MED25: variants seen among roughly 807,000 people sequenced by gnomAD.
MED25 encodes mediator complex subunit 25, also known as mediator of RNA polymerase II transcription subunit 25.
MED25 carries 62 observed loss-of-function variants against 89.4 expected under a neutral mutation model. The ratio of observed to expected loss-of-function variants is 0.69; its 90% CI spans 0.57 to 0.86. MED25 has a LOEUF of 0.86. Ranked by LOEUF, MED25 falls within the 40% of genes least tolerant of loss-of-function variation. The probability of loss-of-function intolerance (pLI) is 0.00; values close to 1 mark genes in which losing one functional copy is unlikely to be tolerated. For missense variants in MED25, 905 were observed against 1,005.2 expected, an observed-to-expected ratio of 0.90 and a Z score of 1.35; for synonymous variants, 449 against 427.9, an observed-to-expected ratio of 1.05 and a Z score of -0.61.
rs933295057 is a variant in MED25, at chr19:49,831,754, G to A, written c.1231-182G>A. 6.6e-6 allele frequency among the ~76,000 whole-genome samples: 1 copy of A among 152,044 alleles called. No homozygotes were observed. Among genetic ancestry groups the A allele is most frequent in the African/African-American group, 2.4e-5 (1 of 41,386 alleles). On this transcript the variant is annotated intron_variant, in intron 10 of 17. Transcript: ENST00000312865. The surrounding 1 kb of genome is among the most constrained non-coding windows in gnomAD (Gnocchi z 5.0). ...CAGTGGATGGTGGGATTTAGGGGCC[G>A]GGCACGTAGCTGTAACATTTGAGGA...
chr19:49,835,762 T>C lies in MED25; in HGVS notation c.1782T>C (p.Gly594=). The change falls in exon 16 of 18, where the codon GGT becomes GGC. Residue 594 remains glycine (G), a synonymous_variant. Transcript: ENST00000312865. This position sits in a 1 kb window ranked among gnomAD's most constrained non-coding sequence, Gnocchi z 6.2. ...QLRPPQPQPQ[G]TVGASGATGQ... is the part of the protein sequence containing the mutation. Reference sequence around the variant, plus strand: ...GCCCACCGCAGCCCCAGCCTCAGGGTACCGTAGGGGCCTCTGGGGCCACGG... The same window carrying C: ...GCCCACCGCAGCCCCAGCCTCAGGGCACCGTAGGGGCCTCTGGGGCCACGG... 1.2e-6 allele frequency: 2 copies of C among 1,609,828 alleles called. No individual in the cohort carries two copies. Among genetic ancestry groups the C allele is most frequent in the South Asian group, 2.2e-5 (2 of 90,790 alleles).
In MED25 at chr19:49,829,988, G is replaced by C. The variant is rs200915538; in HGVS notation, c.688+40G>C. 1 of 1,600,168 alleles carries C rather than the reference G, an allele frequency of 6.2e-7. No homozygotes were observed. The highest frequency in any genetic ancestry group is 2.2e-5 in the East Asian group (1 of 44,558). On this transcript the variant is annotated intron_variant, in intron 6 of 17. Coordinates refer to ENST00000312865, the MANE Select transcript of MED25 (RefSeq NM_030973.4). The surrounding 1 kb of genome is among the most constrained non-coding windows in gnomAD (Gnocchi z 4.6). ...CCGTGCGCGGGGATGGGGGCTCGAC[G>C]TGTTTCCCCAGCTCCCTCTGACTTG...
Position 49,829,929 on chromosome 19 carries a change from T to G in MED25, c.669T>G (p.Val223=). ...AGGACCCGAGGCACATGGTGCTGGT[T>G]CGGGGACTCGTGCTGCCTGGTGAGG... ...VSQDPRHMVL[V]RGLVLPVGGG... The change falls in exon 6 of 18, where the codon GTT becomes GTG. Residue 223 remains valine, a synonymous_variant. Transcript: ENST00000312865. This position sits in a 1 kb window ranked among gnomAD's most constrained non-coding sequence, Gnocchi z 4.6. The G allele has an allele frequency of 6.2e-7, 1 of 1,612,506 alleles. No homozygotes were observed. Among genetic ancestry groups the G allele is most frequent in the Non-Finnish European group, 8.5e-7 (1 of 1,179,248 alleles).
At chr19:49,822,615 G>A (rs1031603091) in intron 3 of MED25, among the ~76,000 whole-genome samples, 2 of 146,008 alleles carry the variant, frequency 1.4e-5, no homozygotes, top group Non-Finnish European at 3.0e-5. Context: ...GAAGTTACAC[G>A]TCATGTCATT....
In MED25 at chr19:49,836,569, GCC is replaced by G. The variant is rs1361699647; in HGVS notation, c.2146+165_2146+166del. ...GCTCTGAGGGCTCCGGGAAAGTACA[GCC>G]CATGGGTCCAAGGACCTAGTGGGTT... On this transcript the variant is annotated intron_variant, in intron 17 of 17. Coordinates refer to ENST00000312865, the MANE Select transcript of MED25 (RefSeq NM_030973.4). The surrounding 1 kb of genome is among the most constrained non-coding windows in gnomAD (Gnocchi z 5.1). 1 of 890,166 alleles carries G rather than the reference GCC, an allele frequency of 1.1e-6. No homozygotes were observed. The highest frequency in any genetic ancestry group is 1.4e-5 in the South Asian group (1 of 70,222). The allele number at this position is 890,166 out of a possible 1,614,324, so 55.1% of individuals were successfully genotyped here.
In MED25 at chr19:49,830,444, G is replaced by T; in HGVS notation, c.820-67G>T. On this transcript the variant is annotated intron_variant, in intron 7 of 17. Transcript: ENST00000312865. The surrounding 1 kb of genome is among the most constrained non-coding windows in gnomAD (Gnocchi z 4.6). The stretch of plus-strand genomic sequence containing the variant: ...ATGGGGCCATGGGTGGTGTGACCTC[G>T]TGGGATACCAGGACTGGGGGGCCAT... 6.5e-7 allele frequency: 1 copy of T among 1,527,114 alleles called. No individual in the cohort carries two copies. 94.6% of individuals were successfully genotyped at this position (1,527,114 alleles called of 1,614,324 possible).
chr19:49,838,964 C>G (rs767445000), downstream of MED25: 1 of 359,160 alleles, frequency 2.8e-6, no homozygotes, highest in Non-Finnish European at 5.5e-6. Flanking sequence ...GTGTCCTGCA[C>G]AGAAACACAT....
intron 3 of MED25, among the ~76,000 whole-genome samples, chr19:49,820,733 T>C (rs910608740): frequency 3.9e-5 from 6 of 152,212 alleles, no homozygotes; most frequent in African/African-American, 1.4e-4. Flanking sequence ...TATTTCTCTT[T>C]TTAATTTTTT....
chr19:49,825,641 G>A (rs1030090867), intron 3 of MED25, among the ~76,000 whole-genome samples: 3 of 151,678 alleles, frequency 2.0e-5, no homozygotes, highest in Admixed American at 6.6e-5. Flanking sequence ...AGACCAGCCC[G>A]ACCAACATGG....
chr19:49,823,562 T>C (rs1435870910), intron 3 of MED25, among the ~76,000 whole-genome samples: 1 of 152,184 alleles, frequency 6.6e-6, no homozygotes, highest in Non-Finnish European at 1.5e-5. Context: ...AGGAGCTAAG[T>C]TGCTTGCTGT....
chr19:49,828,301 A>C, intron 3 of MED25, 148 bp from the exon 4 acceptor site: 1 of 684,482 alleles, frequency 1.5e-6, no homozygotes, highest in East Asian at 2.5e-5. Flanking sequence ...AGCACCAGGG[A>C]TTGGGTAGGG....
Position 49,818,562 on chromosome 19 carries a change from C to T in MED25, c.135-9C>T, listed in dbSNP as rs764466098. ...CCTGACTCCGACCTTTCACTTCCTA[C>T]CCTCACAGGTATTTTAATGGTGGTC... On this transcript the variant is annotated splice_polypyrimidine_tract_variant and intron_variant, in intron 1 of 17. Coordinates refer to ENST00000312865, the MANE Select transcript of MED25 (RefSeq NM_030973.4). 1.2e-6 allele frequency: 2 copies of T among 1,614,100 alleles called. No homozygotes were observed. The highest frequency in any genetic ancestry group is 1.7e-5 in the Admixed American group (1 of 60,006).
rs1568622523 is a variant in MED25 at position 49,829,804 on chromosome 19, A to G, written c.544A>G (p.Ile182Val). The G allele has an allele frequency of 1.9e-6, 3 of 1,599,926 alleles. No homozygotes were observed. Among genetic ancestry groups the G allele is most frequent in the Non-Finnish European group, 1.7e-6 (2 of 1,173,468 alleles). Reference protein sequence around the residue: ...QIGERGIHFSIVSPRKLPALR... With the variant: ...QIGERGIHFSVVSPRKLPALR... The stretch of plus-strand genomic sequence containing the variant: ...CCTACAGCGGGGGATCCACTTCTCC[A>G]TTGTGTCTCCCCGGAAGCTGCCTGC... Residue 182 changes from isoleucine (I) to valine (V), a missense_variant, in exon 6 of 18, where the codon ATT becomes GTT. Transcript: ENST00000312865. The surrounding 1 kb of genome is among the most constrained non-coding windows in gnomAD (Gnocchi z 4.6).
rs530509303 is a variant in MED25, at chr19:49,831,195, G to A, written c.1102-138G>A. 9 of 953,140 alleles carry A rather than the reference G, an allele frequency of 9.4e-6. No individual in the cohort carries two copies. The highest frequency in any genetic ancestry group is 1.4e-5 in the Non-Finnish European group (9 of 642,990). 59.0% of individuals were successfully genotyped at this position (953,140 alleles called of 1,614,324 possible). A position where few individuals can be genotyped will look rare whatever the true frequency, so the allele number is the denominator to read the frequency against. ...AAGGTCCAAGCATTTGGGGTCCTGC[G>A]GCTGGCCAAGTGCTGTTCTGGGGAT... On this transcript the variant is annotated intron_variant, in intron 9 of 17. Coordinates refer to ENST00000312865, the MANE Select transcript of MED25 (RefSeq NM_030973.4). The surrounding 1 kb of genome is among the most constrained non-coding windows in gnomAD (Gnocchi z 5.0).
Position 49,830,069 on chromosome 19 carries a change from C to G in MED25, c.689-19C>G, listed in dbSNP as rs759843501. 63 of 1,600,940 alleles carry G rather than the reference C, an allele frequency of 3.9e-5. 1 individual carries two copies. The South Asian group carries it at 7.0e-4, about 18-fold the overall frequency. On this transcript the variant is annotated intron_variant, in intron 6 of 17. Coordinates refer to ENST00000312865, the MANE Select transcript of MED25 (RefSeq NM_030973.4). This position sits in a 1 kb window ranked among gnomAD's most constrained non-coding sequence, Gnocchi z 4.6. ...TTGAATCCCTTCTCTCTGGGGTTGG[C>G]CATCCCTCCTGCTCTCAGTTGGGGG...
chr19:49,828,173 G>A (rs1045847035), intron 3 of MED25, among the ~76,000 whole-genome samples: 7 of 151,004 alleles, frequency 4.6e-5, no homozygotes, highest in Admixed American at 2.6e-4. Flanking sequence ...AGCTTGCAGT[G>A]AACTGAGATC....
chr19:49,834,786 GC>G lies in MED25; in HGVS notation c.1483-199del. Reference sequence around the variant, plus strand: ...TCTCCGCTTTCCCTCTCAGTGGGCAGCTGGAACCCTAGCTTGCCCTGAGCGC... The same window carrying G: ...TCTCCGCTTTCCCTCTCAGTGGGCAGTGGAACCCTAGCTTGCCCTGAGCGC... On this transcript the variant is annotated intron_variant, in intron 13 of 17. Transcript: ENST00000312865. The surrounding 1 kb of genome is among the most constrained non-coding windows in gnomAD (Gnocchi z 4.1). 1 of 607,188 alleles carries G rather than the reference GC, an allele frequency of 1.6e-6. No homozygotes were observed. The highest frequency in any genetic ancestry group is 2.9e-6 in the Non-Finnish European group (1 of 341,474). The allele number at this position is 607,188 out of a possible 1,614,324, so 37.6% of individuals were successfully genotyped here. A position where few individuals can be genotyped will look rare whatever the true frequency, so the allele number is the denominator to read the frequency against.
rs769026676 is a variant in MED25, at chr19:49,823,624, C to T, written c.305+4328C>T. ...CAAGGTTCATTAAACAACACCTGTT[C>T]GTAGCGGCCGTTACCTCTGTATGCT... On this transcript the variant is annotated intron_variant, in intron 3 of 17. Coordinates refer to ENST00000312865, the MANE Select transcript of MED25 (RefSeq NM_030973.4). 8.2e-4 allele frequency among the ~76,000 whole-genome samples: 124 copies of T among 152,140 alleles called. 1 individual carries two copies. The highest frequency in any genetic ancestry group is 5.9e-4 in the Non-Finnish European group (40 of 68,036).
rs752896004 is a variant in MED25 at position 49,836,587 on chromosome 19, C to T, written c.2146+181C>T. On this transcript the variant is annotated intron_variant, in intron 17 of 17. Transcript: ENST00000312865. The surrounding 1 kb of genome is among the most constrained non-coding windows in gnomAD (Gnocchi z 5.1). ...AAGTACAGCCCATGGGTCCAAGGAC[C>T]TAGTGGGTTAAGAGCGTTTCCCATG... The T allele has an allele frequency of 1.2e-6, 1 of 808,746 alleles. No homozygotes were observed. Among genetic ancestry groups the T allele is most frequent in the South Asian group, 1.5e-5 (1 of 68,652 alleles). 50.1% of individuals were successfully genotyped at this position (808,746 alleles called of 1,614,324 possible).
Sources: gnomAD v4.1 joint callset for allele counts (sites outside exome capture counted in the v4.1 genomes callset) on GRCh38, gnomAD v4.1.1 for gene constraint, Gnocchi (gnomAD v3.1) non-coding constraint, MANE v1.5 for transcripts, NCBI Gene and HGNC (gene_info 2026-07-23, HGNC 2026-07-21) for gene names.